The following AKAP13 variants were observed in gnomAD, a reference collection of about 807,000 sequenced individuals.
AKAP13 encodes A-kinase anchor protein 13.
A neutral mutation model predicts 264.5 loss-of-function variants in AKAP13; 80 were observed. The observed-to-expected ratio is 0.30, with a 90% CI of 0.25 to 0.36. The LOEUF (loss-of-function observed/expected upper bound fraction) is 0.36, where lower values mean the gene tolerates loss of function less well. Among genes scored for constraint, AKAP13 ranks in the 10% least tolerant of loss-of-function variants. The pLI is 1.00. For missense variants in AKAP13, 3,712 were observed against 3,435.2 expected, an observed-to-expected ratio of 1.08 and a Z score of -2.01; for synonymous variants, 1,380 against 1,250.2, an observed-to-expected ratio of 1.10 and a Z score of -2.19.
chr15:85,424,263 G>C (rs899279267), intron 1 of AKAP13, among the ~76,000 whole-genome samples: 2 of 152,200 alleles, frequency 1.3e-5, no homozygotes, highest in Admixed American at 6.5e-5. Flanking sequence ...TGTCTACATT[G>C]AAAATCTGTT....
chr15:85,527,128 A>G (rs2077085197), intron 3 of AKAP13, among the ~76,000 whole-genome samples: 1 of 151,510 alleles, frequency 6.6e-6, no homozygotes. Flanking sequence ...ACGCCCGGCT[A>G]AGTTTTTGTG....
chr15:85,675,937 A>C (rs1322287780), intron 14 of AKAP13, among the ~76,000 whole-genome samples: 1 of 150,648 alleles, frequency 6.6e-6, no homozygotes, highest in African/African-American at 2.5e-5. Context: ...TTTGAGAAGG[A>C]GTCTCACTCC....
At chr15:85,442,555 T>C (rs1214687800) in intron 1 of AKAP13, among the ~76,000 whole-genome samples, 4 of 135,674 alleles carry the variant, frequency 2.9e-5, no homozygotes, top group African/African-American at 1.1e-4. Flanking sequence ...TATATATTTA[T>C]TTCTAGCATG....
intron 17 of AKAP13, among the ~76,000 whole-genome samples, chr15:85,698,409 G>A (rs975124364): frequency 7.1e-5 from 10 of 141,254 alleles, no homozygotes; most frequent in Non-Finnish European, 1.5e-4. Flanking sequence ...AGGTTGCAGT[G>A]AGCCGAGATT....
Position 85,580,035 on chromosome 15 carries a change from C to T in AKAP13, c.1967C>T (p.Thr656Ile). Residue 656 changes from threonine (T) to isoleucine (I), a missense_variant, in exon 7 of 37, where the codon ACT (threonine) becomes ATT (isoleucine). Coordinates refer to ENST00000394518, the MANE Select transcript of AKAP13 (RefSeq NM_007200.5). ...KGKSSPICST[T>I]GDDKLCADSA... Reference sequence around the variant, plus strand: ...AAATCCTCACCCATTTGTTCTACAACTGGAGACGATAAACTTTGTGCAGAC... The same window carrying T: ...AAATCCTCACCCATTTGTTCTACAATTGGAGACGATAAACTTTGTGCAGAC... The T allele has an allele frequency of 6.2e-7, 1 of 1,614,198 alleles. No individual in the cohort carries two copies. The highest frequency in any genetic ancestry group is 1.3e-5 in the African/African-American group (1 of 75,066).
intron 8 of AKAP13, among the ~76,000 whole-genome samples, chr15:85,614,789 A>G (rs375022031): frequency 1.3e-5 from 2 of 152,218 alleles, no homozygotes; most frequent in African/African-American, 2.4e-5. Flanking sequence ...TCTAAGTGCT[A>G]CTTTTCCTCA....
intron 8 of AKAP13, among the ~76,000 whole-genome samples, chr15:85,591,178 A>G (rs1185196535): frequency 2.0e-5 from 3 of 152,128 alleles, no homozygotes; most frequent in African/African-American, 7.2e-5. Flanking sequence ...CTTGTTTCAC[A>G]GCTAGTTAAC....
chr15:85,690,886 T>C (rs537251834), intron 16 of AKAP13, among the ~76,000 whole-genome samples: 2 of 152,372 alleles, frequency 1.3e-5, no homozygotes, highest in South Asian at 2.1e-4. Flanking sequence ...ATCTCTAAGC[T>C]TCAATCTCTT....
intron 8 of AKAP13, among the ~76,000 whole-genome samples, chr15:85,606,483 A>G (rs537012797): frequency 2.8e-4 from 42 of 152,286 alleles, no homozygotes; most frequent in Non-Finnish European, 5.3e-4. Context: ...CACAGAAGCC[A>G]TTTGTTGAAT....
intron 8 of AKAP13, chr15:85,619,812 T>G: frequency 8.2e-7 from 1 of 1,215,212 alleles, no homozygotes. Context: ...TAGCATTAGG[T>G]GGTATTTATT....
rs199817872 is a variant in AKAP13, at chr15:85,580,860, C to T, written c.2792C>T (p.Ala931Val). ...GCTCAGGAACAAGATAAGGATAAAG[C>T]GGTGACCTGTTCCTCTATTAAGGAA... ...SAAQEQDKDK[A>V]VTCSSIKENA... The change falls in exon 7 of 37, where the codon GCG (alanine) becomes GTG (valine). Residue 931 changes from alanine to valine, a missense_variant. Ala to Val is a moderately conservative substitution (Grantham distance 64, BLOSUM62 0). Coordinates refer to ENST00000394518, the MANE Select transcript of AKAP13 (RefSeq NM_007200.5). 5.3e-5 allele frequency: 86 copies of T among 1,614,132 alleles called. No individual in the cohort carries two copies. In the Admixed American group the frequency reaches 1.1e-3, roughly 21 times the overall value.
intron 1 of AKAP13, among the ~76,000 whole-genome samples, chr15:85,420,947 T>A (rs555051635): frequency 2.0e-5 from 3 of 152,206 alleles, no homozygotes; most frequent in Non-Finnish European, 4.4e-5. Flanking sequence ...TTCTGCATTT[T>A]AAGGAGTGTG....
Position 85,579,609 on chromosome 15 carries a change from G to A in AKAP13, c.1541G>A (p.Gly514Asp), listed in dbSNP as rs1353884870. Residue 514 changes from glycine to aspartate, a missense_variant, in exon 7 of 37, where the codon GGC (glycine) becomes GAC (aspartate). Physicochemically the swap from Gly to Asp is moderately conservative, Grantham distance 94. This residue lies in a region of AKAP13 where 2,759 missense variants were observed against 2,411.7 expected (regional missense o/e 1.14). Coordinates refer to ENST00000394518, the MANE Select transcript of AKAP13 (RefSeq NM_007200.5). ...TKERFENSNI[G>D]TAGASDVHVT... ...GAAAGATTTGAGAACTCTAATATTG[G>A]CACAGCTGGAGCCTCTGACGTGCAC... 1 of 1,614,202 alleles carries A rather than the reference G, an allele frequency of 6.2e-7. No individual in the cohort carries two copies. The highest frequency in any genetic ancestry group is 8.5e-7 in the Non-Finnish European group (1 of 1,180,028).
In AKAP13 at chr15:85,442,481, AATATATATAATATATATTATATT is replaced by A. The variant is rs1242327934; in HGVS notation, c.-11-43221_-11-43199del. On this transcript the variant is annotated intron_variant, in intron 1 of 36. Transcript: ENST00000394518. Reference sequence around the variant, plus strand: ...ATAATATACATAATATATATTATATAATATATATAATATATATTATATTATATATAATATATATTATATTATAT... The same window carrying A: ...ATAATATACATAATATATATTATATAATATATAATATATATTATATTATAT... Among the ~76,000 whole-genome samples the A allele has an allele frequency of 4.0e-3, 468 of 117,086 alleles. 3 individuals are homozygous for A. The highest frequency in any genetic ancestry group is 0.012 in the Middle Eastern group (3 of 244). The allele number at this position is 117,086 out of a possible 152,430, so 76.8% of individuals were successfully genotyped here.
At chr15:85,421,768 G>A (rs1427583057) in intron 1 of AKAP13, among the ~76,000 whole-genome samples, 1 of 152,186 alleles carries the variant, frequency 6.6e-6, no homozygotes, top group Non-Finnish European at 1.5e-5. Flanking sequence ...TTTCTACTTT[G>A]TAGACTTATT....
At position 85,740,986 on chromosome 15, in the gene AKAP13, T is replaced by C. The variant is rs1179547805; in HGVS notation, c.7609-60T>C. 2.6e-6 allele frequency: 4 copies of C among 1,545,976 alleles called. No homozygotes were observed. In the Admixed American group the frequency reaches 5.6e-5, roughly 22 times the overall value. ...CCCCCTGCTGTGGGGTCGGGAGGGA[T>C]CCAGAAGCTCGCTGTCGTCCTGGCC... On this transcript the variant is annotated intron_variant, in intron 34 of 36. Coordinates refer to ENST00000394518, the MANE Select transcript of AKAP13 (RefSeq NM_007200.5).
intron 8 of AKAP13, chr15:85,635,087 A>G (rs2082016829): frequency 1.0e-5 from 4 of 398,238 alleles, no homozygotes. Context: ...CGGTAAATGA[A>G]TGGAATGCTA....
chr15:85,460,365 C>T (rs1364358338), intron 1 of AKAP13, among the ~76,000 whole-genome samples: 2 of 152,176 alleles, frequency 1.3e-5, no homozygotes, highest in Non-Finnish European at 2.9e-5. Flanking sequence ...TGCATTTTAC[C>T]CATCATTGTA....
rs1596514392 is a variant in AKAP13 at position 85,555,598 on chromosome 15, C to T, written c.662+11643C>T. 4.4e-6 allele frequency: 3 copies of T among 682,050 alleles called. No individual in the cohort carries two copies. In the African/African-American group the frequency reaches 5.6e-5, roughly 13 times the overall value. The allele number at this position is 682,050 out of a possible 1,614,324, so 42.2% of individuals were successfully genotyped here. On this transcript the variant is annotated intron_variant, in intron 5 of 36. Coordinates refer to ENST00000394518, the MANE Select transcript of AKAP13 (RefSeq NM_007200.5). The stretch of plus-strand genomic sequence containing the variant: ...TCAACCTGAAGCATCATTGAACTTC[C>T]CTGAAGGACTTGTGTTGTTAGGATC...
Sources: gnomAD v4.1 joint callset for allele counts (sites outside exome capture counted in the v4.1 genomes callset) on GRCh38, gnomAD v4.1.1 for gene constraint, gnomAD v4.1.1 regional missense constraint, MANE v1.5 for transcripts, NCBI Gene and HGNC (gene_info 2026-07-23, HGNC 2026-07-21) for gene names.